SNCG: variants seen among roughly 807,000 people sequenced by gnomAD.
SNCG encodes gamma-synuclein.
In SNCG, 13 loss-of-function variants were observed where a neutral mutation model predicts 16.0. The ratio of observed to expected loss-of-function variants is 0.81; its 90% CI spans 0.53 to 1.29. The LOEUF (loss-of-function observed/expected upper bound fraction) is 1.29, where lower values mean the gene tolerates loss of function less well. Among genes scored for constraint, SNCG ranks in the 50% most tolerant of loss-of-function variants. The pLI is 0.00. For missense variants in SNCG, 154 were observed against 168.5 expected (o/e 0.91, Z 0.48); for synonymous variants, 66 against 66.3 (o/e 1.00, Z 0.02).
In SNCG at chr10:86,959,715, C is replaced by A. The variant is rs758372286; in HGVS notation, c.163+41C>A. 3 of 1,547,362 alleles carry A rather than the reference C, an allele frequency of 1.9e-6. No homozygotes were observed. Among genetic ancestry groups the A allele is most frequent in the Admixed American group, 1.9e-5 (1 of 53,566 alleles). ...GCCAGGGGACACATGGGGGATAGGA[C>A]CCCTGGGGCTCCTGCATCCTAGTGC... On this transcript the variant is annotated intron_variant, in intron 2 of 4. Transcript: ENST00000372017. The surrounding 1 kb of genome is among the most constrained non-coding windows in gnomAD (Gnocchi z 4.3).
At chr10:86,962,021 G>C (rs1157038259) in intron 3 of SNCG, among the ~76,000 whole-genome samples, 7 of 152,254 alleles carry the variant, frequency 4.6e-5, no homozygotes, top group Non-Finnish European at 7.3e-5. Flanking sequence ...AGAGGACTGT[G>C]TAACCTCTGC....
At chr10:86,957,397 C>A (rs3750823), upstream of SNCG, 1 of 1,613,234 alleles carries the variant, frequency 6.2e-7, no homozygotes, top group Non-Finnish European at 8.5e-7. Flanking sequence ...GGGTCCTTGC[C>A]GGTGTCCTCA....
At chr10:86,962,927 G>A (rs370609153) in intron 4 of SNCG, 38 bp from the exon 5 acceptor site, 78 of 1,589,026 alleles carry the variant, frequency 4.9e-5, no homozygotes, top group East Asian at 6.8e-5. Context: ...TTAAGGCTGG[G>A]GCCTGGAGCT....
intron 3 of SNCG, 115 bp from the exon 4 acceptor site, chr10:86,962,489 C>G (rs1380521727): frequency 1.5e-6 from 1 of 678,486 alleles, no homozygotes; most frequent in Non-Finnish European, 2.6e-6. Flanking sequence ...TACAACAAGG[C>G]CACGAGGGGC....
chr10:86,957,705 C>A, upstream of SNCG: 5 of 1,315,262 alleles, frequency 3.8e-6, no homozygotes, highest in Admixed American at 5.9e-5. Flanking sequence ...CTTGTCCTGC[C>A]CCCCAACTAC....
upstream of SNCG, among the ~76,000 whole-genome samples, chr10:86,956,952 G>C (rs997207496): frequency 6.6e-6 from 1 of 152,200 alleles, no homozygotes; most frequent in Non-Finnish European, 1.5e-5. Flanking sequence ...CTCACTGCTG[G>C]GCAGTCAGAG....
chr10:86,962,595 C>A lies in SNCG; in HGVS notation c.292-9C>A, dbSNP rs1204469131. On this transcript the variant is annotated splice_polypyrimidine_tract_variant and intron_variant, in intron 3 of 4. Transcript: ENST00000372017. ...CACATGGTCTCATGCCCCCTTTTGT[C>A]CCCTACAGGAGGACTTGAGGCCATC... is the stretch of plus-strand genomic sequence containing the variant. The A allele has an allele frequency of 2.5e-6, 4 of 1,606,468 alleles. No individual in the cohort carries two copies. Among genetic ancestry groups the A allele is most frequent in the South Asian group, 1.1e-5 (1 of 89,846 alleles).
chr10:86,962,852 C>G (rs1382735534), intron 4 of SNCG, 113 bp from the exon 5 acceptor site: 9 of 1,301,794 alleles, frequency 6.9e-6, no homozygotes, highest in Non-Finnish European at 8.6e-6. Context: ...GAGGTCCCCC[C>G]ACGGATGACC....
At chr10:86,960,278 G>C (rs1470675967) in intron 3 of SNCG, 150 bp downstream of exon 3, 1 of 756,694 alleles carries the variant, frequency 1.3e-6, no homozygotes, top group Non-Finnish European at 2.1e-6. Context: ...CGCCGGCATG[G>C]GGTGGGGTCC....
At chr10:86,960,313 G>A (rs554373088) in intron 3 of SNCG, among the ~76,000 whole-genome samples, 185 bp downstream of exon 3, 25 of 152,280 alleles carry the variant, frequency 1.6e-4, no homozygotes, top group African/African-American at 5.8e-4. Flanking sequence ...ACCTGCATTC[G>A]GGTCTGGAAT....
upstream of SNCG, chr10:86,957,889 A>G: frequency 9.1e-7 from 1 of 1,099,680 alleles, no homozygotes; most frequent in Non-Finnish European, 1.1e-6. Context: ...GTGGGGCCAC[A>G]GGAAGTGGTC....
intron 3 of SNCG, among the ~76,000 whole-genome samples, chr10:86,960,931 A>G (rs1844337321): frequency 1.3e-5 from 2 of 152,244 alleles, no homozygotes; most frequent in East Asian, 1.9e-4. Flanking sequence ...TAATGTGCCC[A>G]AGGTCCCATG....
chr10:86,960,163 C>A, intron 3 of SNCG, 35 bp downstream of exon 3: 1 of 1,586,856 alleles, frequency 6.3e-7, no homozygotes, highest in Non-Finnish European at 8.6e-7. Flanking sequence ...CCAGTCCTCT[C>A]CTGGGCCCAG....
In SNCG at chr10:86,959,783, C is replaced by A; in HGVS notation, c.163+109C>A. On this transcript the variant is annotated intron_variant, in intron 2 of 4. Transcript: ENST00000372017. This position sits in a 1 kb window ranked among gnomAD's most constrained non-coding sequence, Gnocchi z 4.3. Reference sequence around the variant, plus strand: ...GTCCTGCCTTACCCCCAACTGGGGTCCCAAGCCCTACAGACCCCTGCAGAC... The same window carrying A: ...GTCCTGCCTTACCCCCAACTGGGGTACCAAGCCCTACAGACCCCTGCAGAC... The A allele has an allele frequency of 7.8e-7, 1 of 1,288,304 alleles. No homozygotes were observed. The highest frequency in any genetic ancestry group is 1.1e-6 in the Non-Finnish European group (1 of 939,730). The allele number at this position is 1,288,304 out of a possible 1,614,324, so 79.8% of individuals were successfully genotyped here. A position where few individuals can be genotyped will look rare whatever the true frequency, so the allele number is the denominator to read the frequency against.
intron 4 of SNCG, 104 bp from the exon 5 acceptor site, chr10:86,962,861 C>A (rs1328601965): frequency 1.5e-6 from 2 of 1,355,534 alleles, no homozygotes; most frequent in Non-Finnish European, 1.0e-6. Context: ...CCACGGATGA[C>A]CCCTCAGGCA....
chr10:86,958,509 T>TCC, upstream of SNCG: 8 of 310,604 alleles, frequency 2.6e-5, no homozygotes, highest in South Asian at 6.4e-5. Flanking sequence ...CCTCCCTCCC[T>TCC]CCCTCCCCGC....
rs753751670 is a variant in SNCG, at chr10:86,963,036, C to G, written c.*51C>G. On this transcript the variant is annotated 3_prime_UTR_variant, in exon 5 of 5. Transcript: ENST00000372017. ...CTGAAGAGCGCTCCTCTGCCTTGGACACCATCCCCTCCTAGCACAAGGAGT... is the reference window on the plus strand; with the variant it reads ...CTGAAGAGCGCTCCTCTGCCTTGGAGACCATCCCCTCCTAGCACAAGGAGT... The G allele has an allele frequency of 3.3e-5, 51 of 1,559,742 alleles. No individual in the cohort carries two copies. Among genetic ancestry groups the G allele is most frequent in the Non-Finnish European group, 1.1e-5 (13 of 1,147,320 alleles).
In SNCG at chr10:86,959,428, C is replaced by G; in HGVS notation, c.122-205C>G. 1 of 607,418 alleles carries G rather than the reference C, an allele frequency of 1.6e-6. No individual in the cohort carries two copies. Among genetic ancestry groups the G allele is most frequent in the Non-Finnish European group, 2.9e-6 (1 of 340,660 alleles). 37.6% of individuals were successfully genotyped at this position (607,418 alleles called of 1,614,324 possible). On this transcript the variant is annotated intron_variant, in intron 1 of 4. Coordinates refer to ENST00000372017, the MANE Select transcript of SNCG (RefSeq NM_003087.3). The surrounding 1 kb of genome is among the most constrained non-coding windows in gnomAD (Gnocchi z 4.3). ...CCTCAGGCCTGCTCTCTCTTGTCCC[C>G]CACATTCTGTCCTGTCCCCTTCCCA...
chr10:86,957,680 G>C (rs956789926), upstream of SNCG: 8 of 1,351,950 alleles, frequency 5.9e-6, 1 homozygote, highest in African/African-American at 1.2e-4. Flanking sequence ...GCCTGGGCCG[G>C]CCTACCCGGT....
Sources: gnomAD v4.1 joint callset for allele counts (sites outside exome capture counted in the v4.1 genomes callset) on GRCh38, gnomAD v4.1.1 for gene constraint, Gnocchi (gnomAD v3.1) non-coding constraint, MANE v1.5 for transcripts, NCBI Gene and HGNC (gene_info 2026-07-23, HGNC 2026-07-21) for gene names.